ACYP2: variants seen among roughly 807,000 people sequenced by gnomAD.
ACYP2 encodes acylphosphatase-2.
A neutral mutation model predicts 11.2 loss-of-function variants in ACYP2; 12 were observed. The observed-to-expected ratio is 1.08, with a 90% CI of 0.69 to 1.74. The LOEUF is 1.74. Ranked by LOEUF, ACYP2 falls within the 40% of genes most tolerant of loss-of-function variation. The pLI, the probability that ACYP2 is intolerant of heterozygous loss-of-function variation, is 0.00. For synonymous variants in ACYP2, 43 were observed against 32.2 expected, an observed-to-expected ratio of 1.33 and a Z score of -1.13; for missense variants, 134 against 101.9, an observed-to-expected ratio of 1.31 and a Z score of -1.35.
chr2:54,131,572 AT>A (rs1680900039), intron 4 of ACYP2, among the ~76,000 whole-genome samples: 2 of 152,120 alleles, frequency 1.3e-5, no homozygotes, highest in Admixed American at 6.6e-5. Flanking sequence ...CCTTTTTATC[AT>A]GCATGGTTTT....
chr2:54,158,914 AT>A (rs1682571778), intron 6 of ACYP2, among the ~76,000 whole-genome samples: 2 of 152,216 alleles, frequency 1.3e-5, no homozygotes, highest in Admixed American at 6.5e-5. Context: ...ATTTTGATGC[AT>A]AATGCAAGTT....
chr2:54,209,105 C>G (rs1397480869), intron 6 of ACYP2, among the ~76,000 whole-genome samples: 1 of 150,692 alleles, frequency 6.6e-6, no homozygotes, highest in South Asian at 2.1e-4. Flanking sequence ...CACCCAGAAA[C>G]TGAAAAAAAT....
chr2:54,224,716 G>A (rs1685935458), intron 6 of ACYP2, among the ~76,000 whole-genome samples: 1 of 98,550 alleles, frequency 1.0e-5, no homozygotes, highest in Admixed American at 8.4e-5. Context: ...CCGGGTACCA[G>A]CCCGTCTGCC....
chr2:54,276,620 C>CACACACACACACACACAA (rs1491126432), intron 6 of ACYP2, among the ~76,000 whole-genome samples: 95 of 1,876 alleles, frequency 0.051, no homozygotes, highest in African/African-American at 0.11. Context: ...ATTGTTCTTT[C>CACACACACACACACACAA]ACACACACAC....
chr2:54,274,625 C>CAAAAAAAAAAAAAA (rs70944155), intron 6 of ACYP2, among the ~76,000 whole-genome samples: 2 of 37,686 alleles, frequency 5.3e-5, no homozygotes, highest in African/African-American at 2.4e-4. Context: ...GACTCCATCT[C>CAAAAAAAAAAAAAA]AAAAAAAAAA....
At chr2:54,139,023 A>G (rs1434054633) in intron 6 of ACYP2, among the ~76,000 whole-genome samples, 2 of 152,320 alleles carry the variant, frequency 1.3e-5, no homozygotes, top group South Asian at 4.1e-4. Flanking sequence ...TTGTTTGTAG[A>G]TTACAATCAA....
chr2:53,994,768 CT>C (rs1425384472), intron 2 of ACYP2, among the ~76,000 whole-genome samples: 5 of 152,154 alleles, frequency 3.3e-5, no homozygotes, highest in Non-Finnish European at 7.4e-5. Flanking sequence ...AACTGAATAT[CT>C]GAAACTCAGT....
At chr2:54,201,666 C>CT (rs749643614) in intron 6 of ACYP2, among the ~76,000 whole-genome samples, 1 of 93,578 alleles carries the variant, frequency 1.1e-5, no homozygotes, top group Non-Finnish European at 2.3e-5. Flanking sequence ...TTCTTTCTTT[C>CT]TTTCTTTCTT....
chr2:54,000,811 G>A (rs1016212327), intron 2 of ACYP2, among the ~76,000 whole-genome samples: 3 of 152,106 alleles, frequency 2.0e-5, no homozygotes, highest in South Asian at 2.1e-4. Context: ...GCCAAACCAC[G>A]TCATATGGTC....
intron 6 of ACYP2, among the ~76,000 whole-genome samples, chr2:54,234,293 A>G (rs927143451): frequency 9.2e-5 from 14 of 152,214 alleles, no homozygotes; most frequent in African/African-American, 3.4e-4. Flanking sequence ...AAATGCTTTG[A>G]GCATTCTCAA....
At chr2:54,255,974 C>A (rs1275724575) in intron 6 of ACYP2, 1 of 1,614,096 alleles carries the variant, frequency 6.2e-7, no homozygotes, top group African/African-American at 1.3e-5. Flanking sequence ...TCCTGGGGCG[C>A]GACCCCCTCC....
At chr2:54,288,216 T>G (rs951319959) in intron 6 of ACYP2, among the ~76,000 whole-genome samples, 1 of 151,996 alleles carries the variant, frequency 6.6e-6, no homozygotes, top group African/African-American at 2.4e-5. Flanking sequence ...AGTGATAAGC[T>G]TTCCCTTTTC....
Position 53,972,242 on chromosome 2 carries a change from G to A in ACYP2, c.-37+921G>A, listed in dbSNP as rs1573411216. 2.0e-5 allele frequency among the ~76,000 whole-genome samples: 3 copies of A among 150,512 alleles called. 1 individual carries two copies. Among genetic ancestry groups the A allele is most frequent in the African/African-American group, 7.4e-5 (3 of 40,552 alleles). ...GGAGAATCGCTTGAAACCGGAAGGCGGAGGTTGCAGTGAGCCAAGATCGCG... is the reference window on the plus strand; with the variant it reads ...GGAGAATCGCTTGAAACCGGAAGGCAGAGGTTGCAGTGAGCCAAGATCGCG... On this transcript the variant is annotated intron_variant, in intron 1 of 6. Coordinates refer to ENST00000607452, the MANE Select transcript of ACYP2 (RefSeq NM_001320586.2).
chr2:54,130,284 G>A (rs899995981), intron 4 of ACYP2, among the ~76,000 whole-genome samples: 2 of 152,136 alleles, frequency 1.3e-5, no homozygotes, highest in Non-Finnish European at 2.9e-5. Flanking sequence ...GAGGATTCAG[G>A]CAGAAGGAAT....
At chr2:54,168,776 A>G (rs1484550809) in intron 6 of ACYP2, among the ~76,000 whole-genome samples, 36 of 152,206 alleles carry the variant, frequency 2.4e-4, no homozygotes, top group Admixed American at 2.6e-4. Context: ...ATAAAACAGG[A>G]AGACTGTAGA....
At chr2:54,264,477 A>C (rs951342060) in intron 6 of ACYP2, among the ~76,000 whole-genome samples, 2 of 152,190 alleles carry the variant, frequency 1.3e-5, no homozygotes, top group Admixed American at 6.5e-5. Flanking sequence ...TTCACCTCTC[A>C]GATCCTGCTC....
chr2:54,205,752 A>G (rs1685050309), intron 6 of ACYP2, among the ~76,000 whole-genome samples: 1 of 152,164 alleles, frequency 6.6e-6, no homozygotes, highest in African/African-American at 2.4e-5. Flanking sequence ...TACCCCTCTG[A>G]AGTTCAACTT....
intron 6 of ACYP2, among the ~76,000 whole-genome samples, chr2:54,295,143 G>T (rs1689474206): frequency 6.6e-6 from 1 of 152,070 alleles, no homozygotes; most frequent in Non-Finnish European, 1.5e-5. Context: ...CGAATTCTGG[G>T]TAAAGCCAGT....
chr2:54,053,011 A>G (rs1206993189), intron 3 of ACYP2, among the ~76,000 whole-genome samples: 4 of 152,232 alleles, frequency 2.6e-5, no homozygotes, highest in Middle Eastern at 3.2e-3. Context: ...AGCTGGCACA[A>G]TGTTTCATCA....
Sources: allele counts gnomAD v4.1 joint callset (sites outside exome capture counted in the v4.1 genomes callset), GRCh38; gene constraint gnomAD v4.1.1; transcripts MANE v1.5; gene names NCBI Gene and HGNC (gene_info 2026-07-23, HGNC 2026-07-21).